LUZP2: variants seen among roughly 807,000 people sequenced by gnomAD.
LUZP2 encodes the protein leucine zipper protein 2.
In LUZP2, 52 loss-of-function variants were observed where a neutral mutation model predicts 51.6. That is an observed-to-expected ratio of 1.01 (90% confidence interval 0.81 to 1.27). The LOEUF (loss-of-function observed/expected upper bound fraction) is 1.27. Among genes scored for constraint, LUZP2 ranks in the 50% most tolerant of loss-of-function variants. The pLI, the probability that LUZP2 is intolerant of heterozygous loss-of-function variation, is 0.00. For missense variants in LUZP2, 436 were observed against 395.4 expected, an observed-to-expected ratio of 1.10 and a Z score of -0.87; for synonymous variants, 154 against 137.3, an observed-to-expected ratio of 1.12 and a Z score of -0.85.
chr11:24,843,147 T>C (rs1483765474), intron 5 of LUZP2, among the ~76,000 whole-genome samples: 1 of 152,006 alleles, frequency 6.6e-6, no homozygotes, highest in African/African-American at 2.4e-5. Flanking sequence ...TATACAAACA[T>C]ATATATTCAT....
At chr11:24,659,652 A>C (rs1158748226) in intron 1 of LUZP2, among the ~76,000 whole-genome samples, 1 of 152,160 alleles carries the variant, frequency 6.6e-6, no homozygotes, top group African/African-American at 2.4e-5. Context: ...TATGGAACTC[A>C]CAATATATTT....
chr11:25,000,799 C>G lies in LUZP2; in HGVS notation c.765+17506C>G, dbSNP rs570062229. Among the ~76,000 whole-genome samples the G allele has an allele frequency of 3.9e-5, 6 of 152,310 alleles. No homozygotes were observed. The South Asian group carries it at 1.2e-3, about 32-fold the overall frequency. On this transcript the variant is annotated intron_variant, in intron 9 of 11. Transcript: ENST00000336930. Reference sequence around the variant, plus strand: ...CCTCCTTTCTCAGCAGTGAGGAGGTCTAGGCCTCTGTGGTTTTGGAGAGTC... The same window carrying G: ...CCTCCTTTCTCAGCAGTGAGGAGGTGTAGGCCTCTGTGGTTTTGGAGAGTC...
At position 25,050,163 on chromosome 11, in the gene LUZP2, TAGAC is replaced by T. The variant is rs763843870; in HGVS notation, c.858+36_858+39del. On this transcript the variant is annotated intron_variant, in intron 10 of 11. Transcript: ENST00000336930. ...AAACTTAAGATGCTTTTTACAGTAT[TAGAC>T]AGGAGAAAAAAGCACAAGCATTTTA... 2.7e-5 allele frequency: 37 copies of T among 1,345,862 alleles called. 1 individual carries two copies. Among genetic ancestry groups the T allele is most frequent in the East Asian group, 7.3e-5 (3 of 41,068 alleles). The allele number at this position is 1,345,862 out of a possible 1,614,324, so 83.4% of individuals were successfully genotyped here. A position where few individuals can be genotyped will look rare whatever the true frequency, so the allele number is the denominator to read the frequency against.
At chr11:24,810,066 A>C (rs1849973410) in intron 5 of LUZP2, among the ~76,000 whole-genome samples, 1 of 152,176 alleles carries the variant, frequency 6.6e-6, no homozygotes, top group African/African-American at 2.4e-5. Flanking sequence ...TATGTTTATA[A>C]GTAGTTGTGT....
chr11:24,809,834 T>C (rs1457599911), intron 5 of LUZP2, among the ~76,000 whole-genome samples: 1 of 152,150 alleles, frequency 6.6e-6, no homozygotes, highest in Non-Finnish European at 1.5e-5. Context: ...ATAAATGAAT[T>C]ATGATGATAC....
At chr11:24,626,431 T>C (rs933595042) in intron 1 of LUZP2, among the ~76,000 whole-genome samples, 2 of 152,146 alleles carry the variant, frequency 1.3e-5, no homozygotes, top group Non-Finnish European at 2.9e-5. Context: ...TAAAATACAC[T>C]CCCAAGTATA....
intron 1 of LUZP2, among the ~76,000 whole-genome samples, chr11:24,716,175 G>T (rs983585895): frequency 6.6e-6 from 1 of 152,120 alleles, no homozygotes; most frequent in Non-Finnish European, 1.5e-5. Context: ...AAAGTAGGCA[G>T]AAATGTTGAA....
intron 5 of LUZP2, among the ~76,000 whole-genome samples, chr11:24,870,731 T>C (rs1486723): frequency 0.39 from 58,797 of 151,842 alleles, 11,996 homozygotes; most frequent in African/African-American, 0.51. Context: ...CTATTACTTA[T>C]ACAAAAGCCT....
At chr11:24,900,295 T>C (rs1023681929) in intron 5 of LUZP2, among the ~76,000 whole-genome samples, 5 of 152,134 alleles carry the variant, frequency 3.3e-5, no homozygotes, top group African/African-American at 1.2e-4. Flanking sequence ...AGACAGGCCT[T>C]TCTAGGGTTT....
chr11:24,985,787 T>C (rs1856171647), intron 9 of LUZP2, among the ~76,000 whole-genome samples: 1 of 151,726 alleles, frequency 6.6e-6, no homozygotes. Context: ...CCGTATCCAG[T>C]AGATGATTAT....
chr11:24,881,109 TC>T (rs750400229), intron 5 of LUZP2, among the ~76,000 whole-genome samples: 3 of 152,132 alleles, frequency 2.0e-5, no homozygotes, highest in Non-Finnish European at 2.9e-5. Context: ...CTTAAGAGAT[TC>T]ACTTAATCTG....
At position 24,763,293 on chromosome 11, in the gene LUZP2, A is replaced by G. The variant is rs1306547974; in HGVS notation, c.381A>G (p.Arg127=). Residue 127 remains arginine, a synonymous_variant, in exon 5 of 12, where the codon CGA becomes CGG. Transcript: ENST00000336930. The stretch of plus-strand genomic sequence containing the variant: ...TTGAAAGAAAGAGCAAAATGATCCG[A>G]GACCTCCAGAATGAGGTAAGATATA... The part of the protein sequence containing the change: ...TEVERKSKMI[R]DLQNENKSLK... 7.2e-7 allele frequency: 1 copy of G among 1,385,792 alleles called. No homozygotes were observed. The highest frequency in any genetic ancestry group is 9.6e-7 in the Non-Finnish European group (1 of 1,046,238). The allele number at this position is 1,385,792 out of a possible 1,614,324, so 85.8% of individuals were successfully genotyped here. A position where few individuals can be genotyped will look rare whatever the true frequency, so the allele number is the denominator to read the frequency against.
chr11:24,916,677 T>A (rs1853801318), intron 7 of LUZP2, among the ~76,000 whole-genome samples: 1 of 152,182 alleles, frequency 6.6e-6, no homozygotes, highest in African/African-American at 2.4e-5. Context: ...TCTTTTTATA[T>A]GGCTGCATAG....
intron 5 of LUZP2, among the ~76,000 whole-genome samples, chr11:24,878,395 C>G (rs1852345380): frequency 6.6e-6 from 1 of 152,056 alleles, no homozygotes; most frequent in Admixed American, 6.6e-5. Flanking sequence ...AAGGTTTACC[C>G]TGAAAAATCT....
At chr11:24,657,881 C>A (rs1351407279) in intron 1 of LUZP2, among the ~76,000 whole-genome samples, 1 of 152,068 alleles carries the variant, frequency 6.6e-6, no homozygotes, top group Non-Finnish European at 1.5e-5. Context: ...TGTGAAGAAC[C>A]TCTTCAAGGA....
chr11:24,520,448 A>G (rs1397858339), intron 1 of LUZP2, among the ~76,000 whole-genome samples: 1 of 152,214 alleles, frequency 6.6e-6, no homozygotes, highest in Non-Finnish European at 1.5e-5. Flanking sequence ...TTCTGTCTGG[A>G]GAAAGCACAC....
chr11:24,982,039 G>A (rs1329450348), intron 8 of LUZP2, among the ~76,000 whole-genome samples: 15 of 151,950 alleles, frequency 9.9e-5, no homozygotes, highest in East Asian at 3.9e-4. Flanking sequence ...TTAGAGAAAC[G>A]CGAATCAAAA....
At chr11:24,608,818 C>A (rs1236252980) in intron 1 of LUZP2, among the ~76,000 whole-genome samples, 3 of 152,010 alleles carry the variant, frequency 2.0e-5, no homozygotes, top group African/African-American at 4.8e-5. Flanking sequence ...CAAATAATTA[C>A]ATTATAAAAT....
intron 6 of LUZP2, among the ~76,000 whole-genome samples, chr11:24,908,188 A>C (rs985606400): frequency 6.6e-6 from 1 of 152,196 alleles, no homozygotes; most frequent in African/African-American, 2.4e-5. Context: ...ATAGAATAAA[A>C]TATCTAAATC....
Sources: gnomAD v4.1 joint callset for allele counts (sites outside exome capture counted in the v4.1 genomes callset) on GRCh38, gnomAD v4.1.1 for gene constraint, MANE v1.5 for transcripts, NCBI Gene and HGNC (gene_info 2026-07-23, HGNC 2026-07-21) for gene names.